Variants in CSMD1 observed in about 807,000 individuals in gnomAD.
CSMD1 encodes the protein CUB and Sushi multiple domains 1.
Under a neutral mutation model 417.5 loss-of-function variants are expected in CSMD1, and 213 were observed. The observed-to-expected ratio is 0.51, with a 90% CI of 0.46 to 0.57. The LOEUF is 0.57. Among genes scored for constraint, CSMD1 ranks in the 20% least tolerant of loss-of-function variants. The pLI is 0.00. For missense variants in CSMD1, 6,923 were observed against 4,529.7 expected, an observed-to-expected ratio of 1.53 and a Z score of -15.17; for synonymous variants, 2,862 against 1,736.8, an observed-to-expected ratio of 1.65 and a Z score of -16.11.
intron 3 of CSMD1, among the ~76,000 whole-genome samples, chr8:4,106,973 A>C (rs146123439): frequency 8.5e-5 from 13 of 152,362 alleles, no homozygotes; most frequent in African/African-American, 3.1e-4. Context: ...TCTACGTCAG[A>C]GACTCAGCAG....
At chr8:4,678,554 T>C (rs1365191451) in intron 1 of CSMD1, among the ~76,000 whole-genome samples, 1 of 152,216 alleles carries the variant, frequency 6.6e-6, no homozygotes, top group Non-Finnish European at 1.5e-5. Context: ...ATTCTGCTTT[T>C]TGATGGAATC....
At chr8:4,076,846 G>C (rs537457638) in intron 3 of CSMD1, among the ~76,000 whole-genome samples, 3 of 152,184 alleles carry the variant, frequency 2.0e-5, no homozygotes, top group South Asian at 2.1e-4. Context: ...GCTAACTTAA[G>C]ATAGGCTACT....
chr8:3,955,454 A>C (rs950809791), intron 5 of CSMD1, among the ~76,000 whole-genome samples: 1 of 152,220 alleles, frequency 6.6e-6, no homozygotes, highest in African/African-American at 2.4e-5. Context: ...AAAAATGTAG[A>C]AATAAAGTAG....
At position 4,917,970 on chromosome 8, in the gene CSMD1, G is replaced by A. The variant is rs559966348; in HGVS notation, c.85+76362C>T. 1.1e-4 allele frequency among the ~76,000 whole-genome samples: 16 copies of A among 152,300 alleles called. No individual in the cohort carries two copies. The South Asian group carries it at 2.9e-3, about 28-fold the overall frequency. On this transcript the variant is annotated intron_variant, in intron 1 of 69. Transcript: ENST00000635120. ...AATATGCTAAGGTCTATTTAGTAGAGTGAGTATTGTTACTGTCTGTGATAA... is the reference window on the plus strand; with the variant it reads ...AATATGCTAAGGTCTATTTAGTAGAATGAGTATTGTTACTGTCTGTGATAA...
chr8:4,821,715 C>G (rs1205355721), intron 1 of CSMD1, among the ~76,000 whole-genome samples: 1 of 152,046 alleles, frequency 6.6e-6, no homozygotes, highest in Non-Finnish European at 1.5e-5. Context: ...TGGTTGAATT[C>G]CAAGCAAAAT....
At chr8:4,838,756 A>G (rs78415389) in intron 1 of CSMD1, among the ~76,000 whole-genome samples, 9,295 of 152,280 alleles carry the variant, frequency 0.061, 332 homozygotes, top group African/African-American at 0.094. Context: ...AAGACTAACA[A>G]GGAAGCAGAC....
intron 5 of CSMD1, among the ~76,000 whole-genome samples, chr8:3,845,802 T>G (rs1027821180): frequency 2.0e-5 from 3 of 152,158 alleles, no homozygotes; most frequent in Non-Finnish European, 2.9e-5. Flanking sequence ...TTTCTTTATA[T>G]TTTTATTCTA....
intron 5 of CSMD1, among the ~76,000 whole-genome samples, chr8:3,968,573 G>C (rs1202846977): frequency 6.6e-6 from 1 of 152,040 alleles, no homozygotes; most frequent in African/African-American, 2.4e-5. Flanking sequence ...ATAACCAAGA[G>C]AACAGGTGTA....
intron 7 of CSMD1, among the ~76,000 whole-genome samples, chr8:3,677,006 G>C (rs770657503): frequency 3.9e-5 from 6 of 152,046 alleles, no homozygotes; most frequent in Non-Finnish European, 5.9e-5. Context: ...CCTGTTGCGG[G>C]GTTGGGGGCA....
chr8:3,990,102 G>A (rs376667001), intron 5 of CSMD1, among the ~76,000 whole-genome samples: 2 of 152,102 alleles, frequency 1.3e-5, no homozygotes, highest in African/African-American at 4.8e-5. Flanking sequence ...AAGGCAGAGT[G>A]TTTTTAAATG....
At chr8:4,720,360 G>A (rs1808973694) in intron 1 of CSMD1, among the ~76,000 whole-genome samples, 1 of 152,038 alleles carries the variant, frequency 6.6e-6, no homozygotes, top group Non-Finnish European at 1.5e-5. Flanking sequence ...ATTATCTCAA[G>A]GAAAATATGA....
At chr8:3,661,649 A>G (rs1798424651) in intron 7 of CSMD1, among the ~76,000 whole-genome samples, 1 of 152,122 alleles carries the variant, frequency 6.6e-6, no homozygotes, top group Non-Finnish European at 1.5e-5. Flanking sequence ...GGTATCCACC[A>G]TCTCGCCCAG....
intron 2 of CSMD1, among the ~76,000 whole-genome samples, chr8:4,622,212 A>G (rs548237756): frequency 6.6e-6 from 1 of 151,928 alleles, no homozygotes; most frequent in Admixed American, 6.6e-5. Context: ...TTGACCTGAC[A>G]TTACCTGGAG....
chr8:4,708,204 C>A (rs973940236), intron 1 of CSMD1, among the ~76,000 whole-genome samples: 2 of 152,104 alleles, frequency 1.3e-5, no homozygotes, highest in Non-Finnish European at 2.9e-5. Flanking sequence ...CCTACCTGGG[C>A]CTTCTAAAGT....
At chr8:3,730,808 CA>C (rs1451398099) in intron 6 of CSMD1, among the ~76,000 whole-genome samples, 1 of 152,098 alleles carries the variant, frequency 6.6e-6, no homozygotes, top group Non-Finnish European at 1.5e-5. Context: ...TTGACATGTT[CA>C]AAAACAACCC....
intron 5 of CSMD1, among the ~76,000 whole-genome samples, chr8:3,888,776 T>G (rs900412749): frequency 6.6e-6 from 1 of 152,160 alleles, no homozygotes; most frequent in Admixed American, 6.5e-5. Context: ...GGTCCTTCCA[T>G]TTGGGTCCTT....
chr8:3,736,405 G>A (rs962001433), intron 6 of CSMD1, among the ~76,000 whole-genome samples: 5 of 150,934 alleles, frequency 3.3e-5, no homozygotes, highest in Admixed American at 6.6e-5. Flanking sequence ...CACCATGCAT[G>A]GCTAATGTAA....
At chr8:3,441,183 G>A (rs967257308) in intron 12 of CSMD1, among the ~76,000 whole-genome samples, 7 of 152,170 alleles carry the variant, frequency 4.6e-5, no homozygotes, top group African/African-American at 1.7e-4. Context: ...GCTGGGAATG[G>A]TTTCTCTCCC....
chr8:3,536,285 T>C (rs1333092510), intron 10 of CSMD1, among the ~76,000 whole-genome samples: 1 of 152,224 alleles, frequency 6.6e-6, no homozygotes, highest in Non-Finnish European at 1.5e-5. Context: ...CAGCAACTTG[T>C]ACTTAAACTA....
Sources: gnomAD v4.1 joint callset for allele counts (sites outside exome capture counted in the v4.1 genomes callset) on GRCh38, gnomAD v4.1.1 for gene constraint, MANE v1.5 for transcripts, NCBI Gene and HGNC (gene_info 2026-07-23, HGNC 2026-07-21) for gene names.